Variants in COL24A1 observed in about 807,000 individuals in gnomAD.
The protein encoded by COL24A1 is collagen type XXIV alpha 1 chain.
In COL24A1, 224 loss-of-function variants were observed where a neutral mutation model predicts 253.9. That is an observed-to-expected ratio of 0.88 (90% confidence interval 0.79 to 0.99). The LOEUF is 0.99. COL24A1 is among the 50% of genes least tolerant of loss of function. The pLI is 0.00. For missense variants in COL24A1, 2,131 were observed against 2,068.5 expected (o/e 1.03, Z -0.59); for synonymous variants, 685 against 673.7 (o/e 1.02, Z -0.26).
chr1:85,937,064 G>A (rs1196333067), intron 24 of COL24A1, among the ~76,000 whole-genome samples: 1 of 147,624 alleles, frequency 6.8e-6, no homozygotes, highest in Admixed American at 6.8e-5. Context: ...TTCCCAGCCA[G>A]TACCTCTTCT....
intron 42 of COL24A1, among the ~76,000 whole-genome samples, chr1:85,840,343 T>C (rs954266394): frequency 6.6e-6 from 1 of 152,138 alleles, no homozygotes; most frequent in African/African-American, 2.4e-5. Context: ...AACTTACATA[T>C]TCCTTTAGAT....
chr1:85,921,543 GGACCTCCA>G (rs1686495829), intron 24 of COL24A1, among the ~76,000 whole-genome samples: 1 of 152,172 alleles, frequency 6.6e-6, no homozygotes, highest in Non-Finnish European at 1.5e-5. Context: ...GGTCTGGAGT[GGACCTCCA>G]GCAAACTCCA....
intron 7 of COL24A1, among the ~76,000 whole-genome samples, chr1:86,088,243 GT>G (rs1007596581): frequency 6.6e-6 from 1 of 152,152 alleles, no homozygotes; most frequent in African/African-American, 2.4e-5. Flanking sequence ...GGCAGTTGGG[GT>G]TTGAACGAAG....
chr1:85,949,334 TA>T (rs1436140599), intron 24 of COL24A1, among the ~76,000 whole-genome samples: 2 of 152,132 alleles, frequency 1.3e-5, no homozygotes, highest in African/African-American at 4.8e-5. Context: ...AAGAAAGTGC[TA>T]AAAATTACAA....
intron 37 of COL24A1, among the ~76,000 whole-genome samples, chr1:85,852,834 G>C (rs1677933396): frequency 6.6e-6 from 1 of 152,186 alleles, no homozygotes; most frequent in Admixed American, 6.5e-5. Flanking sequence ...TATTTATTTA[G>C]AGACATTGTC....
At chr1:86,082,622 T>TATATATTTATGTAAATATATAAC (rs1702729610) in intron 7 of COL24A1, among the ~76,000 whole-genome samples, 1 of 145,176 alleles carries the variant, frequency 6.9e-6, no homozygotes, top group Admixed American at 7.0e-5. Flanking sequence ...TAATAATTTG[T>TATATATTTATGTAAATATATAAC]ATATATTTAT....
intron 20 of COL24A1, among the ~76,000 whole-genome samples, chr1:85,975,771 C>A (rs1692613569): frequency 6.6e-6 from 1 of 152,138 alleles, no homozygotes; most frequent in African/African-American, 2.4e-5. Flanking sequence ...ACAAATTCTG[C>A]AAGACAGCAA....
chr1:86,156,275 C>T, intron 1 of COL24A1, 66 bp downstream of exon 1: 1 of 1,491,640 alleles, frequency 6.7e-7, no homozygotes, highest in Non-Finnish European at 9.1e-7. Flanking sequence ...TCAGGCTCAG[C>T]AGAACCAGGG....
At chr1:85,763,021 TA>T (rs1186499823) in intron 53 of COL24A1, among the ~76,000 whole-genome samples, 1 of 152,162 alleles carries the variant, frequency 6.6e-6, no homozygotes, top group Non-Finnish European at 1.5e-5. Context: ...GTAGCCAAGT[TA>T]AAAAAATATG....
chr1:86,137,761 A>T (rs550807103), intron 2 of COL24A1, among the ~76,000 whole-genome samples: 1 of 152,296 alleles, frequency 6.6e-6, no homozygotes, highest in East Asian at 1.9e-4. Flanking sequence ...TGTCTATTGA[A>T]TTTATCCAAT....
chr1:85,943,149 A>G (rs1688913871), intron 24 of COL24A1, among the ~76,000 whole-genome samples: 1 of 152,218 alleles, frequency 6.6e-6, no homozygotes, highest in Non-Finnish European at 1.5e-5. Context: ...CTTGGACATT[A>G]GAATTCCAGG....
intron 23 of COL24A1, 43 bp downstream of exon 23, chr1:85,964,966 G>C (rs759239615): frequency 1.2e-5 from 19 of 1,522,310 alleles, no homozygotes; most frequent in Non-Finnish European, 1.7e-5. Flanking sequence ...TTATCTTTCT[G>C]AAAATTATAT....
chr1:85,890,636 T>C (rs1196660498), intron 31 of COL24A1, among the ~76,000 whole-genome samples: 2 of 152,138 alleles, frequency 1.3e-5, no homozygotes, highest in Non-Finnish European at 2.9e-5. Context: ...TCTACCCCTA[T>C]TTTTATTTAA....
chr1:86,137,293 A>G (rs552787405), intron 2 of COL24A1, among the ~76,000 whole-genome samples: 40 of 152,328 alleles, frequency 2.6e-4, no homozygotes, highest in African/African-American at 9.1e-4. Flanking sequence ...TTTTTAAAAA[A>G]TAAGAATTAT....
intron 19 of COL24A1, among the ~76,000 whole-genome samples, chr1:85,997,055 G>GTGTGTGTGTGTGTGTGTATATATATA: frequency 1.1e-4 from 10 of 95,110 alleles, no homozygotes; most frequent in South Asian, 8.4e-4. Context: ...GTGTGTGTGT[G>GTGTGTGTGTGTGTGTGTATATATATA]TATATATATA....
chr1:85,779,485 A>G (rs1668933392), intron 52 of COL24A1, among the ~76,000 whole-genome samples: 1 of 152,134 alleles, frequency 6.6e-6, no homozygotes, highest in African/African-American at 2.4e-5. Context: ...TCAGGATATT[A>G]GAGTAGAGAC....
intron 5 of COL24A1, among the ~76,000 whole-genome samples, chr1:86,093,022 TG>T (rs1703618443): frequency 6.6e-6 from 1 of 152,038 alleles, no homozygotes. Flanking sequence ...GGGGCCACAA[TG>T]GAGATTCTTT....
intron 19 of COL24A1, among the ~76,000 whole-genome samples, chr1:86,001,439 T>C (rs550982648): frequency 6.6e-6 from 1 of 152,298 alleles, no homozygotes; most frequent in South Asian, 2.1e-4. Context: ...ATTTGCATGG[T>C]ATGGTTAAGT....
chr1:85,840,846 G>T (rs1236725358), intron 42 of COL24A1, among the ~76,000 whole-genome samples: 3 of 152,024 alleles, frequency 2.0e-5, no homozygotes, highest in Admixed American at 1.3e-4. Context: ...GAAGTATATA[G>T]ATAAGATTTT....
Sources: gnomAD v4.1 joint callset for allele counts (sites outside exome capture counted in the v4.1 genomes callset) on GRCh38, gnomAD v4.1.1 for gene constraint, MANE v1.5 for transcripts, NCBI Gene and HGNC (gene_info 2026-07-23, HGNC 2026-07-21) for gene names.